GLDC: variants seen among roughly 807,000 people sequenced by gnomAD.
GLDC encodes the protein glycine dehydrogenase (decarboxylating), mitochondrial.
A neutral mutation model predicts 121.3 loss-of-function variants in GLDC; 104 were observed. That is an observed-to-expected ratio of 0.86 (90% CI 0.73 to 1.01). GLDC has a LOEUF of 1.01. Ranked by LOEUF, GLDC falls within the 50% of genes least tolerant of loss-of-function variation. The probability of loss-of-function intolerance (pLI) is 0.00; values close to 1 mark genes in which losing one functional copy is unlikely to be tolerated. For synonymous variants in GLDC, 546 were observed against 480.6 expected (o/e 1.14, Z -1.78); for missense variants, 1,429 against 1,306.6 (o/e 1.09, Z -1.44).
chr9:6,590,570 C>T (rs1473771225), intron 11 of GLDC, among the ~76,000 whole-genome samples: 1 of 152,200 alleles, frequency 6.6e-6, no homozygotes, highest in Non-Finnish European at 1.5e-5. Context: ...GCTCCTCTTC[C>T]CCTTCCTTCA....
chr9:6,596,569 C>T (rs1261747914), intron 8 of GLDC, among the ~76,000 whole-genome samples: 2 of 152,018 alleles, frequency 1.3e-5, no homozygotes, highest in African/African-American at 4.8e-5. Flanking sequence ...AACAAGACCC[C>T]ATCTCTAAAA....
chr9:6,563,035 A>C (rs1817788928), intron 16 of GLDC, among the ~76,000 whole-genome samples: 1 of 152,162 alleles, frequency 6.6e-6, no homozygotes, highest in African/African-American at 2.4e-5. Flanking sequence ...ATGACACTTC[A>C]GTGATGGCAG....
In GLDC at chr9:6,554,765, G is replaced by C. The variant is rs751798296; in HGVS notation, c.2219C>G (p.Pro740Arg). 1 of 1,612,854 alleles carries C rather than the reference G, an allele frequency of 6.2e-7. No homozygotes were observed. The highest frequency in any genetic ancestry group is 1.7e-5 in the Admixed American group (1 of 59,898). Residue 740 changes from proline to arginine, a missense_variant, in exon 19 of 25, where the codon CCT (proline) becomes CGT (arginine). Physicochemically the swap from Pro to Arg is moderately radical, Grantham distance 103. Transcript: ENST00000321612. ...CGAGACATCAGACCCGAAGTCTCCA[G>C]GGCGACAGATTCCCACCTACCACAA... ...NMNAQVGICR[P>R]GDFGSDVSHL...
At chr9:6,561,647 T>C (rs1817761781) in intron 16 of GLDC, among the ~76,000 whole-genome samples, 1 of 112,850 alleles carries the variant, frequency 8.9e-6, no homozygotes, top group African/African-American at 5.1e-5. Flanking sequence ...AGAGTCTCTC[T>C]TGGGGGAAAA....
intron 9 of GLDC, 188 bp from the exon 10 acceptor site, chr9:6,593,178 T>C: frequency 1.6e-6 from 1 of 610,694 alleles, no homozygotes; most frequent in Non-Finnish European, 2.9e-6. Context: ...GAAATACATA[T>C]AAAAGAGTAA....
intron 8 of GLDC, among the ~76,000 whole-genome samples, chr9:6,601,591 C>T (rs941639812): frequency 2.6e-5 from 4 of 151,910 alleles, no homozygotes; most frequent in African/African-American, 4.8e-5. Flanking sequence ...TAAAGAACAC[C>T]AGTAAAACAC....
Position 6,594,470 on chromosome 9 carries a change from C to T in GLDC, c.1261+544G>A, listed in dbSNP as rs904978913. On this transcript the variant is annotated intron_variant, in intron 9 of 24. Coordinates refer to ENST00000321612, the MANE Select transcript of GLDC (RefSeq NM_000170.3). ...CAGCACTTTGAGAGGCCAAAGTGGA[C>T]GGATTTCTTGAGGTCAGGAATTCGA... is the stretch of plus-strand genomic sequence containing the variant. 1.2e-4 allele frequency among the ~76,000 whole-genome samples: 19 copies of T among 152,024 alleles called. No individual in the cohort carries two copies. The East Asian group carries it at 2.9e-3, about 23-fold the overall frequency.
chr9:6,544,823 G>A (rs944803903), intron 21 of GLDC, among the ~76,000 whole-genome samples: 3 of 152,026 alleles, frequency 2.0e-5, no homozygotes, highest in South Asian at 2.1e-4. Context: ...TCAACTTGCC[G>A]GGGCAATGGC....
In GLDC at chr9:6,645,520, GC is replaced by G; in HGVS notation, c.-22del. 8 of 1,311,552 alleles carry G rather than the reference GC, an allele frequency of 6.1e-6. No individual in the cohort carries two copies. The highest frequency in any genetic ancestry group is 3.9e-5 in the South Asian group (2 of 51,868). The allele number at this position is 1,311,552 out of a possible 1,614,324, so 81.2% of individuals were successfully genotyped here. On this transcript the variant is annotated 5_prime_UTR_variant, in exon 1 of 25. Transcript: ENST00000321612. ...TGCATGGCCGCGGCCACCGTCCCCTGCCCCGGCCCGCAAGGGTCAGCCGCGC... is the reference window on the plus strand; with the variant it reads ...TGCATGGCCGCGGCCACCGTCCCCTGCCCGGCCCGCAAGGGTCAGCCGCGC...
intron 11 of GLDC, among the ~76,000 whole-genome samples, chr9:6,591,277 A>G (rs897757611): frequency 1.3e-5 from 2 of 152,144 alleles, no homozygotes; most frequent in Admixed American, 6.5e-5. Context: ...CTCTTGTGCC[A>G]TCTTGGTCTA....
Position 6,606,815 on chromosome 9 carries a change from G to A in GLDC, c.636-146C>T, listed in dbSNP as rs1818744208. The A allele has an allele frequency of 5.8e-6, 4 of 687,326 alleles. No homozygotes were observed. The East Asian group carries it at 8.4e-5, about 14-fold the overall frequency. The allele number at this position is 687,326 out of a possible 1,614,324, so 42.6% of individuals were successfully genotyped here. On this transcript the variant is annotated intron_variant, in intron 4 of 24. Transcript: ENST00000321612. ...AGGCCGGGTGCGGTGGCTCACGCCT[G>A]TAATCCCAGCACTTTGGGAGGCCGA...
At chr9:6,621,366 G>T (rs1477292282) in intron 2 of GLDC, among the ~76,000 whole-genome samples, 2 of 152,144 alleles carry the variant, frequency 1.3e-5, no homozygotes, top group East Asian at 3.9e-4. Context: ...TGTACCATAT[G>T]CTTTTCGCAC....
chr9:6,606,592 T>C lies in GLDC; in HGVS notation c.713A>G (p.Lys238Arg). 2 of 1,564,142 alleles carry C rather than the reference T, an allele frequency of 1.3e-6. No individual in the cohort carries two copies. Among genetic ancestry groups the C allele is most frequent in the Non-Finnish European group, 1.8e-6 (2 of 1,134,614 alleles). Reference sequence around the variant, plus strand: ...TTAAAACACGAATCAAATTAATTACTTGGCTCGAGTCTGGACAACAGCTAT... The same window carrying C: ...TTAAAACACGAATCAAATTAATTACCTGGCTCGAGTCTGGACAACAGCTAT... Reference protein sequence around the residue: ...QTIAVVQTRAKYTGVLTELKL... With the variant: ...QTIAVVQTRARYTGVLTELKL... Residue 238 changes from lysine to arginine, a missense_variant and splice_region_variant, in exon 5 of 25, where the codon AAA (lysine) becomes AGA (arginine). Physicochemically the swap from Lys to Arg is conservative, Grantham distance 26. Coordinates refer to ENST00000321612, the MANE Select transcript of GLDC (RefSeq NM_000170.3).
At chr9:6,630,882 G>C (rs1310204346) in intron 2 of GLDC, among the ~76,000 whole-genome samples, 1 of 152,122 alleles carries the variant, frequency 6.6e-6, no homozygotes, top group African/African-American at 2.4e-5. Flanking sequence ...CCTGGATCAA[G>C]CCCACTTACG....
chr9:6,536,382 G>T, intron 22 of GLDC, 146 bp from the exon 23 acceptor site: 1 of 781,912 alleles, frequency 1.3e-6, no homozygotes. Flanking sequence ...ACTCATCTCA[G>T]TGCTGTTCAT....
At chr9:6,582,815 C>T (rs1159138370) in intron 15 of GLDC, among the ~76,000 whole-genome samples, 1 of 148,792 alleles carries the variant, frequency 6.7e-6, no homozygotes, top group Non-Finnish European at 1.5e-5. Flanking sequence ...GGCGACAGAG[C>T]GAGACCTCGT....
chr9:6,604,047 T>TG, intron 7 of GLDC, among the ~76,000 whole-genome samples: 2 of 147,254 alleles, frequency 1.4e-5, no homozygotes, highest in East Asian at 3.9e-4. Flanking sequence ...TTTTCTTTTC[T>TG]TTTTTTTTTA....
intron 16 of GLDC, among the ~76,000 whole-genome samples, chr9:6,564,435 C>T (rs1456091412): frequency 1.3e-5 from 2 of 152,178 alleles, no homozygotes; most frequent in African/African-American, 4.8e-5. Flanking sequence ...CCATAAGTAA[C>T]CTTCCAGTGG....
chr9:6,620,895 C>A (rs1224857008), intron 2 of GLDC, among the ~76,000 whole-genome samples: 1 of 152,188 alleles, frequency 6.6e-6, no homozygotes, highest in Admixed American at 6.5e-5. Context: ...GGGCTGTGAA[C>A]AGTGGCTCAC....
Sources: allele counts gnomAD v4.1 joint callset (sites outside exome capture counted in the v4.1 genomes callset), GRCh38; gene constraint gnomAD v4.1.1; transcripts MANE v1.5; gene names NCBI Gene and HGNC (gene_info 2026-07-23, HGNC 2026-07-21).